ABI3BP: variants seen among roughly 807,000 people sequenced by gnomAD.
ABI3BP encodes the protein target of Nesh-SH3.
A neutral mutation model predicts 268.6 loss-of-function variants in ABI3BP; 216 were observed. The observed-to-expected ratio is 0.80, with a 90% CI of 0.72 to 0.90. The LOEUF is 0.90. ABI3BP is among the 40% of genes least tolerant of loss of function. The pLI is 0.00. For missense variants in ABI3BP, 2,090 were observed against 2,182.4 expected, an observed-to-expected ratio of 0.96 and a Z score of 0.84; for synonymous variants, 730 against 730.0, an observed-to-expected ratio of 1.00 and a Z score of 0.00.
chr3:100,810,382 C>T (rs2097830600), intron 49 of ABI3BP, 30 bp downstream of exon 49: 5 of 1,505,378 alleles, frequency 3.3e-6, no homozygotes, highest in Middle Eastern at 1.7e-4. Context: ...ACACTCACCT[C>T]ATATATGACA....
chr3:100,756,489 A>G (rs932531986), intron 63 of ABI3BP, among the ~76,000 whole-genome samples: 1 of 152,256 alleles, frequency 6.6e-6, no homozygotes, highest in African/African-American at 2.4e-5. Flanking sequence ...GTATTTTCAC[A>G]TGAAATATTT....
chr3:100,847,409 C>G (rs1252556090), intron 19 of ABI3BP, among the ~76,000 whole-genome samples, 193 bp downstream of exon 19: 1 of 152,168 alleles, frequency 6.6e-6, no homozygotes, highest in East Asian at 1.9e-4. Flanking sequence ...GAGTTCAGAT[C>G]TACTAACTGT....
At chr3:100,983,242 A>G (rs1326064091) in intron 1 of ABI3BP, among the ~76,000 whole-genome samples, 1 of 152,228 alleles carries the variant, frequency 6.6e-6, no homozygotes, top group Non-Finnish European at 1.5e-5. Flanking sequence ...CTTCCATTAC[A>G]TTAGAGAAAC....
intron 57 of ABI3BP, among the ~76,000 whole-genome samples, chr3:100,783,222 G>A (rs945127655): frequency 1.3e-5 from 2 of 152,130 alleles, no homozygotes; most frequent in Admixed American, 6.5e-5. Flanking sequence ...AAAAAGCCAC[G>A]GGCAGGGAGC....
Position 100,774,540 on chromosome 3 carries a change from A to G in ABI3BP, c.4531+65T>C, listed in dbSNP as rs2096646709. On this transcript the variant is annotated intron_variant, in intron 61 of 67. Coordinates refer to ENST00000471714, the MANE Select transcript of ABI3BP (RefSeq NM_001375547.2). The stretch of plus-strand genomic sequence containing the variant: ...ATTTGTGGTTTTTTACACAGCAATA[A>G]CTGGCTGATACACCTACCAAAAATG... The G allele has an allele frequency of 4.6e-6, 6 of 1,290,808 alleles. No homozygotes were observed. In the Admixed American group the frequency reaches 1.7e-4, roughly 36 times the overall value. 80.0% of individuals were successfully genotyped at this position (1,290,808 alleles called of 1,614,324 possible). A position where few individuals can be genotyped will look rare whatever the true frequency, so the allele number is the denominator to read the frequency against.
intron 63 of ABI3BP, among the ~76,000 whole-genome samples, chr3:100,756,782 T>G (rs866916507): frequency 0.012 from 1,873 of 151,566 alleles, 37 homozygotes; most frequent in African/African-American, 0.043. Flanking sequence ...TTGGGTTTTT[T>G]TTTTTTTTTT....
At chr3:100,877,950 T>C (rs2099179398) in intron 6 of ABI3BP, among the ~76,000 whole-genome samples, 1 of 152,164 alleles carries the variant, frequency 6.6e-6, no homozygotes, top group Non-Finnish European at 1.5e-5. Flanking sequence ...CCAGGCTTAC[T>C]GTTAGCTATT....
chr3:100,839,944 A>G, intron 23 of ABI3BP, 128 bp downstream of exon 23: 1 of 715,344 alleles, frequency 1.4e-6, no homozygotes, highest in South Asian at 1.7e-5. Flanking sequence ...GAAACTGAGT[A>G]CAGATGCTCA....
chr3:100,886,914 A>G (rs985289982), intron 4 of ABI3BP, among the ~76,000 whole-genome samples: 3 of 151,998 alleles, frequency 2.0e-5, no homozygotes, highest in Non-Finnish European at 2.9e-5. Context: ...TATCACTGTT[A>G]TGTATTTACT....
intron 11 of ABI3BP, 118 bp from the exon 12 acceptor site, chr3:100,864,194 C>T (rs1376271603): frequency 8.6e-6 from 6 of 694,794 alleles, no homozygotes; most frequent in African/African-American, 1.8e-5. Context: ...GCAGCCAATA[C>T]CTTTAATGGA....
At position 100,770,919 on chromosome 3, in the gene ABI3BP, T is replaced by G; in HGVS notation, c.4565A>C (p.Asn1522Thr). The G allele has an allele frequency of 6.3e-7, 1 of 1,595,166 alleles. No individual in the cohort carries two copies. The highest frequency in any genetic ancestry group is 8.5e-7 in the Non-Finnish European group (1 of 1,170,778). Residue 1522 changes from asparagine (N) to threonine (T), a missense_variant, in exon 62 of 68, where the codon AAC becomes ACC. Coordinates refer to ENST00000471714, the MANE Select transcript of ABI3BP (RefSeq NM_001375547.2). ...AGAGTCAGTAATGGAGCAGGGACTGTTGTCAGGCTTTTGGATGTATCGCAC... is the reference window on the plus strand; with the variant it reads ...AGAGTCAGTAATGGAGCAGGGACTGGTGTCAGGCTTTTGGATGTATCGCAC... ...PHVRYIQKPD[N>T]SPCSITDSVK...
intron 62 of ABI3BP, among the ~76,000 whole-genome samples, chr3:100,768,963 A>G (rs2096442099): frequency 6.6e-6 from 1 of 152,244 alleles, no homozygotes; most frequent in African/African-American, 2.4e-5. Flanking sequence ...CTGGAGGTGA[A>G]TATGTGTCCC....
chr3:100,800,876 T>A (rs751761391), intron 51 of ABI3BP, among the ~76,000 whole-genome samples: 1 of 152,228 alleles, frequency 6.6e-6, no homozygotes, highest in Non-Finnish European at 1.5e-5. Flanking sequence ...TTCTTGATAA[T>A]ACCTTCTCTA....
intron 50 of ABI3BP, 45 bp from the exon 51 acceptor site, chr3:100,804,911 T>A: frequency 2.7e-6 from 4 of 1,487,494 alleles, no homozygotes; most frequent in Non-Finnish European, 2.8e-6. Context: ...TTTCAGCATC[T>A]TCCAGTCATG....
At chr3:100,862,466 T>C in intron 13 of ABI3BP, 81 bp from the exon 14 acceptor site, 1 of 907,930 alleles carries the variant, frequency 1.1e-6, no homozygotes, top group Admixed American at 2.8e-5. Flanking sequence ...GTTGCTGGTA[T>C]GGTTAAGTGG....
intron 56 of ABI3BP, among the ~76,000 whole-genome samples, chr3:100,788,161 C>T (rs1371695309): frequency 6.6e-6 from 1 of 152,090 alleles, no homozygotes; most frequent in East Asian, 1.9e-4. Flanking sequence ...TAATGAAAAA[C>T]CAAAATCTGA....
At chr3:100,981,287 C>T (rs2089301394) in intron 1 of ABI3BP, among the ~76,000 whole-genome samples, 1 of 152,012 alleles carries the variant, frequency 6.6e-6, no homozygotes, top group South Asian at 2.1e-4. Context: ...AGGATAATTC[C>T]TGCTGCATCC....
At chr3:100,973,201 T>C (rs2084508372) in intron 1 of ABI3BP, among the ~76,000 whole-genome samples, 1 of 152,182 alleles carries the variant, frequency 6.6e-6, no homozygotes, top group Non-Finnish European at 1.5e-5. Context: ...TCTACTGCTG[T>C]TGGCCATGAA....
intron 50 of ABI3BP, among the ~76,000 whole-genome samples, chr3:100,807,362 A>T (rs1018371045): frequency 6.6e-6 from 1 of 151,936 alleles, no homozygotes; most frequent in African/African-American, 2.4e-5. Flanking sequence ...TTAAAATTTC[A>T]TATTATTTGG....
Sources: allele counts gnomAD v4.1 joint callset (sites outside exome capture counted in the v4.1 genomes callset), GRCh38; gene constraint gnomAD v4.1.1; transcripts MANE v1.5; gene names NCBI Gene and HGNC (gene_info 2026-07-23, HGNC 2026-07-21).